The following DMXL1 variants were observed in gnomAD, a reference collection of about 807,000 sequenced individuals.
The protein encoded by DMXL1 is Dmx like 1.
Under a neutral mutation model 319.2 loss-of-function variants are expected in DMXL1, and 99 were observed. That is an observed-to-expected ratio of 0.31 (90% CI 0.26 to 0.37). The LOEUF (loss-of-function observed/expected upper bound fraction) is 0.37. Among genes scored for constraint, DMXL1 ranks in the 10% least tolerant of loss-of-function variants. DMXL1 has a pLI of 1.00. For missense variants in DMXL1, 3,745 were observed against 3,595.6 expected, an observed-to-expected ratio of 1.04 and a Z score of -1.06; for synonymous variants, 1,385 against 1,235.2, an observed-to-expected ratio of 1.12 and a Z score of -2.54.
chr5:119,170,147 A>C, intron 23 of DMXL1, 43 bp from the exon 24 acceptor site: 3 of 1,535,024 alleles, frequency 2.0e-6, no homozygotes, highest in Non-Finnish European at 2.6e-6. Context: ...AGAAACACAC[A>C]GTTCATAACT....
chr5:119,102,335 T>C (rs1435426850), intron 3 of DMXL1: 1 of 192,168 alleles, frequency 5.2e-6, no homozygotes, highest in African/African-American at 2.4e-5. Flanking sequence ...GTGGTACTCT[T>C]TCCTTTGTTT....
Position 119,149,851 on chromosome 5 carries a change from G to T in DMXL1, c.4024G>T (p.Ala1342Ser), listed in dbSNP as rs1769376622. 6.2e-7 allele frequency: 1 copy of T among 1,613,888 alleles called. No individual in the cohort carries two copies. The highest frequency in any genetic ancestry group is 1.3e-5 in the African/African-American group (1 of 75,018). ...ELMDLGKVRR[A>S]KAILSHLVKC... ...CATGGATCTTGGTAAAGTTCGGAGAGCCAAGGCCATCTTGTCCCATCTTGT... is the reference window on the plus strand; with the variant it reads ...CATGGATCTTGGTAAAGTTCGGAGATCCAAGGCCATCTTGTCCCATCTTGT... Residue 1342 changes from alanine (A) to serine (S), a missense_variant, in exon 18 of 44, where the codon GCC (alanine) becomes TCC (serine). Around this residue, in one of 4 missense-constraint regions of DMXL1, gnomAD observed 2,096 missense variants for 1,985.4 expected, o/e 1.06. Coordinates refer to ENST00000539542, the MANE Select transcript of DMXL1 (RefSeq NM_001290321.3).
intron 36 of DMXL1, 79 bp from the exon 37 acceptor site, chr5:119,220,861 A>T: frequency 6.6e-7 from 1 of 1,516,084 alleles, no homozygotes; most frequent in Non-Finnish European, 8.9e-7. Context: ...GGAACTATAA[A>T]TTCAAATTTT....
chr5:119,219,354 C>G (rs140781275), intron 35 of DMXL1, among the ~76,000 whole-genome samples: 5 of 152,254 alleles, frequency 3.3e-5, no homozygotes, highest in Non-Finnish European at 7.4e-5. Flanking sequence ...GCAGACATGA[C>G]TCACTTATAA....
At chr5:119,217,747 T>C (rs960559317) in intron 35 of DMXL1, among the ~76,000 whole-genome samples, 1 of 152,198 alleles carries the variant, frequency 6.6e-6, no homozygotes, top group Non-Finnish European at 1.5e-5. Flanking sequence ...ACATACCCTG[T>C]AATATGTATA....
chr5:119,136,434 GAGA>G (rs1766006366), intron 13 of DMXL1, among the ~76,000 whole-genome samples: 1 of 152,260 alleles, frequency 6.6e-6, no homozygotes, highest in Non-Finnish European at 1.5e-5. Flanking sequence ...CTCATTCCTG[GAGA>G]AGAATTCAAG....
In DMXL1 at chr5:119,089,999, C is replaced by CTTTTTTTTTTTTTTTTTTTTTT. The variant is rs70982467; in HGVS notation, c.88-7963_88-7942dup. Reference sequence around the variant, plus strand: ...TGATTATTTTATGCTTCGGGTTAGTCTTTTTTTTTTTTTTTTTTTTTTTTT... The same window carrying CTTTTTTTTTTTTTTTTTTTTTT: ...TGATTATTTTATGCTTCGGGTTAGTCTTTTTTTTTTTTTTTTTTTTTTTTTTTTTTTTTTTTTTTTTTTTTTT... On this transcript the variant is annotated intron_variant, in intron 1 of 43. Coordinates refer to ENST00000539542, the MANE Select transcript of DMXL1 (RefSeq NM_001290321.3). Among the ~76,000 whole-genome samples, 5 of 34,402 alleles carry CTTTTTTTTTTTTTTTTTTTTTT rather than the reference C, an allele frequency of 1.5e-4. 2 individuals carry two copies. Among genetic ancestry groups the CTTTTTTTTTTTTTTTTTTTTTT allele is most frequent in the Non-Finnish European group, 1.6e-4 (3 of 18,760 alleles). 22.6% of individuals were successfully genotyped at this position (34,402 alleles called of 152,430 possible).
intron 19 of DMXL1, among the ~76,000 whole-genome samples, chr5:119,162,459 G>T (rs1772478761): frequency 6.6e-6 from 1 of 152,070 alleles, no homozygotes; most frequent in Admixed American, 6.5e-5. Context: ...GTCTGGTAAG[G>T]GCTTGATCTC....
chr5:119,216,810 T>G lies in DMXL1; in HGVS notation c.7927-91T>G, dbSNP rs1478487867. Reference sequence around the variant, plus strand: ...TGAAATATCTACTTTCTTAAAATAATTTATGCAAGTACTAATTGATAGATT... The same window carrying G: ...TGAAATATCTACTTTCTTAAAATAAGTTATGCAAGTACTAATTGATAGATT... On this transcript the variant is annotated intron_variant, in intron 34 of 43. Coordinates refer to ENST00000539542, the MANE Select transcript of DMXL1 (RefSeq NM_001290321.3). 9 of 713,740 alleles carry G rather than the reference T, an allele frequency of 1.3e-5. No individual in the cohort carries two copies. In the East Asian group the frequency reaches 2.3e-4, roughly 18 times the overall value. 44.2% of individuals were successfully genotyped at this position (713,740 alleles called of 1,614,324 possible).
chr5:119,223,264 C>T (rs10035593), intron 37 of DMXL1, among the ~76,000 whole-genome samples: 130,871 of 151,812 alleles, frequency 0.86, 57,258 homozygotes, highest in Non-Finnish European at 0.94. Context: ...GCCATGTTGG[C>T]CAGGCTGGTC....
In DMXL1 at chr5:119,114,531, C is replaced by A; in HGVS notation, c.554C>A (p.Thr185Asn). ...TCACCAGATGGAGAATTTTTTGCCA[C>A]TGCTGGGAAGGTAAATTGTGAAAAT... ...KFSPDGEFFA[T>N]AGKDDCLLKV... The change falls in exon 6 of 44, where the codon ACT becomes AAT. Residue 185 changes from threonine (T) to asparagine (N), a missense_variant. By Grantham distance (65) the Thr-to-Asn change is moderately conservative (BLOSUM62 0). Coordinates refer to ENST00000539542, the MANE Select transcript of DMXL1 (RefSeq NM_001290321.3). 1 of 1,607,340 alleles carries A rather than the reference C, an allele frequency of 6.2e-7. No homozygotes were observed. Among genetic ancestry groups the A allele is most frequent in the Non-Finnish European group, 8.5e-7 (1 of 1,177,614 alleles).
At chr5:119,150,767 C>T (rs987320264) in intron 18 of DMXL1, among the ~76,000 whole-genome samples, 155 of 151,228 alleles carry the variant, frequency 1.0e-3, no homozygotes, top group African/African-American at 3.6e-3. Flanking sequence ...ACAGCCTGGA[C>T]AATAGAGCAA....
rs539676261 is a variant in DMXL1 at position 119,106,534 on chromosome 5, G to A, written c.364+1276G>A. Among the ~76,000 whole-genome samples the A allele has an allele frequency of 5.9e-5, 9 of 152,256 alleles. No individual in the cohort carries two copies. In the South Asian group the frequency reaches 1.9e-3, roughly 32 times the overall value. ...AGTCTCAGTGGTGGTAAGGAGATAA[G>A]ACCTTACCATGTTATAGGAGACCTT... On this transcript the variant is annotated intron_variant, in intron 4 of 43. Coordinates refer to ENST00000539542, the MANE Select transcript of DMXL1 (RefSeq NM_001290321.3).
At chr5:119,220,839 T>C (rs1166575668) in intron 36 of DMXL1, 101 bp from the exon 37 acceptor site, 1 of 1,406,852 alleles carries the variant, frequency 7.1e-7, no homozygotes, top group African/African-American at 1.4e-5. Flanking sequence ...CTGAAGAAAA[T>C]TAATTTTAAA....
At chr5:119,172,960 T>C (rs751057388) in intron 25 of DMXL1, among the ~76,000 whole-genome samples, 9 of 152,212 alleles carry the variant, frequency 5.9e-5, no homozygotes, top group Non-Finnish European at 1.3e-4. Context: ...TTCTTTCAGA[T>C]TGTGCTCATT....
chr5:119,175,312 T>C lies in DMXL1; in HGVS notation c.6733T>C (p.Cys2245Arg). 1 of 1,611,924 alleles carries C rather than the reference T, an allele frequency of 6.2e-7. No individual in the cohort carries two copies. Among genetic ancestry groups the C allele is most frequent in the Non-Finnish European group, 8.5e-7 (1 of 1,178,934 alleles). Reference sequence around the variant, plus strand: ...TTCACTTTCTGCTTGTATTTATCAGTGCCTTTGTGGTAGTCATAACTACAG... The same window carrying C: ...TTCACTTTCTGCTTGTATTTATCAGCGCCTTTGTGGTAGTCATAACTACAG... ...AASLSACIYQCLCGSHNYSSF... is the reference protein window; with the variant it reads ...AASLSACIYQRLCGSHNYSSF... The change falls in exon 26 of 44, where the codon TGC becomes CGC. Residue 2245 changes from cysteine (C) to arginine (R), a missense_variant. Physicochemically the swap from Cys to Arg is radical, Grantham distance 180. Transcript: ENST00000539542.
In DMXL1 at chr5:119,118,977, T is replaced by G. The variant is rs2149927019; in HGVS notation, c.906T>G (p.Ser302Arg). ...ATAACTTCAAGAGAAATGCTTCCAG[T>G]AAAGAACGAGTTCAAAATGCTTTAG... is the stretch of plus-strand genomic sequence containing the variant. ...LTNNFKRNAS[S>R]KERVQNALEV... The change falls in exon 8 of 44, where the codon AGT becomes AGG. Residue 302 changes from serine to arginine, a missense_variant. Physicochemically the swap from Ser to Arg is moderately radical, Grantham distance 110 (BLOSUM62 -1). Coordinates refer to ENST00000539542, the MANE Select transcript of DMXL1 (RefSeq NM_001290321.3). 6.2e-7 allele frequency: 1 copy of G among 1,612,272 alleles called. No individual in the cohort carries two copies. The highest frequency in any genetic ancestry group is 1.7e-5 in the Admixed American group (1 of 59,628).
chr5:119,140,411 A>G (rs1767038825), intron 13 of DMXL1, among the ~76,000 whole-genome samples: 2 of 152,194 alleles, frequency 1.3e-5, no homozygotes, highest in South Asian at 4.1e-4. Flanking sequence ...CCCAATTAGA[A>G]ATTACCAAGG....
Position 119,089,252 on chromosome 5 carries a change from C to T in DMXL1, c.88-8727C>T, listed in dbSNP as rs528774600. Reference sequence around the variant, plus strand: ...TCTTTTGCCAGACAAATTGGAGCTCCATTATATATGCATATATATATATAC... The same window carrying T: ...TCTTTTGCCAGACAAATTGGAGCTCTATTATATATGCATATATATATATAC... On this transcript the variant is annotated intron_variant, in intron 1 of 43. Transcript: ENST00000539542. Among the ~76,000 whole-genome samples the T allele has an allele frequency of 6.0e-5, 7 of 115,706 alleles. No homozygotes were observed. The South Asian group carries it at 1.5e-3, about 25-fold the overall frequency. The allele number at this position is 115,706 out of a possible 152,430, so 75.9% of individuals were successfully genotyped here.
Sources: allele counts gnomAD v4.1 joint callset (sites outside exome capture counted in the v4.1 genomes callset), GRCh38; gene constraint gnomAD v4.1.1; regional missense constraint gnomAD v4.1.1; transcripts MANE v1.5; gene names NCBI Gene and HGNC (gene_info 2026-07-23, HGNC 2026-07-21).